Variants in PDZRN3 observed in about 807,000 individuals in gnomAD.
PDZRN3 encodes the protein PDZ domain containing ring finger 3, also known as E3 ubiquitin-protein ligase PDZRN3.
In PDZRN3, 38 loss-of-function variants were observed where a neutral mutation model predicts 85.7. That is an observed-to-expected ratio of 0.44 (90% CI 0.34 to 0.58). The LOEUF (loss-of-function observed/expected upper bound fraction) is 0.58. Among genes scored for constraint, PDZRN3 ranks in the 20% least tolerant of loss-of-function variants. PDZRN3 has a pLI of 0.01. For missense variants in PDZRN3, 1,629 were observed against 1,506.4 expected, an observed-to-expected ratio of 1.08 and a Z score of -1.35; for synonymous variants, 759 against 638.0, an observed-to-expected ratio of 1.19 and a Z score of -2.86.
intron 3 of PDZRN3, among the ~76,000 whole-genome samples, chr3:73,463,194 A>G (rs1452547168): frequency 6.6e-6 from 1 of 152,190 alleles, no homozygotes; most frequent in African/African-American, 2.4e-5. Context: ...TGTGACTTCA[A>G]CCAAGGCCCA....
chr3:73,538,558 A>G (rs944731440), intron 3 of PDZRN3, among the ~76,000 whole-genome samples: 1 of 152,210 alleles, frequency 6.6e-6, no homozygotes, highest in African/African-American at 2.4e-5. Flanking sequence ...GCATTTTAAT[A>G]ATGTATTTAT....
In PDZRN3 at chr3:73,384,878, T is replaced by C. The variant is rs746014503; in HGVS notation, c.1688A>G (p.Asn563Ser). The change falls in exon 10 of 10, where the codon AAC becomes AGC. Residue 563 changes from asparagine to serine, a missense_variant. By Grantham distance (46) the Asn-to-Ser change is conservative. Transcript: ENST00000263666. Reference protein sequence around the residue: ...GTTDTATILSNQHEKDSGVGR... With the variant: ...GTTDTATILSSQHEKDSGVGR... ...CACACCGCTGTCCTTCTCGTGCTGG[T>C]TGGACAAGATGGTGGCTGTATCTGT... The C allele has an allele frequency of 5.0e-6, 8 of 1,613,352 alleles. No individual in the cohort carries two copies. The highest frequency in any genetic ancestry group is 4.5e-5 in the East Asian group (2 of 44,872).
intron 5 of PDZRN3, among the ~76,000 whole-genome samples, chr3:73,400,047 T>C (rs1701718484): frequency 6.6e-6 from 1 of 152,204 alleles, no homozygotes; most frequent in South Asian, 2.1e-4. Context: ...TAGGACAGCA[T>C]AGATTACACA....
At chr3:73,595,158 C>T (rs1271534519) in intron 3 of PDZRN3, among the ~76,000 whole-genome samples, 3 of 152,172 alleles carry the variant, frequency 2.0e-5, no homozygotes, top group Admixed American at 6.5e-5. Flanking sequence ...CCTTTGGAAA[C>T]GGAGAGTTGG....
At chr3:73,531,250 CAA>C (rs60520136) in intron 3 of PDZRN3, among the ~76,000 whole-genome samples, 12 of 63,936 alleles carry the variant, frequency 1.9e-4, no homozygotes, top group South Asian at 1.3e-3. Flanking sequence ...GACTTCGTCT[CAA>C]AAAAAAAAAA....
chr3:73,579,092 G>A (rs891175265), intron 3 of PDZRN3, among the ~76,000 whole-genome samples: 3 of 152,098 alleles, frequency 2.0e-5, no homozygotes, highest in Non-Finnish European at 2.9e-5. Flanking sequence ...ACTAAGAGGT[G>A]GGGTCTTGGG....
rs779935870 is a variant in PDZRN3 at position 73,391,097 on chromosome 3, A to G, written c.1274T>C (p.Met425Thr). 2 of 1,613,348 alleles carry G rather than the reference A, an allele frequency of 1.2e-6. No individual in the cohort carries two copies. Among genetic ancestry groups the G allele is most frequent in the Non-Finnish European group, 1.7e-6 (2 of 1,179,306 alleles). ...GAGGCCCAGCTTGTCCTGGCTGTTC[A>G]TTCTGTAGAGGTCCACTTCCTAGAC... ...LELEEVDLYRMNSQDKLGLTV... is the reference protein window; with the variant it reads ...LELEEVDLYRTNSQDKLGLTV... Residue 425 changes from methionine (M) to threonine (T), a missense_variant, in exon 6 of 10, where the codon ATG becomes ACG. Physicochemically the swap from Met to Thr is moderately conservative, Grantham distance 81. Transcript: ENST00000263666.
Position 73,439,430 on chromosome 3 carries a change from G to A in PDZRN3, c.919-35035C>T, listed in dbSNP as rs151298048. 5.3e-5 allele frequency among the ~76,000 whole-genome samples: 8 copies of A among 152,308 alleles called. No individual in the cohort carries two copies. In the East Asian group the frequency reaches 1.5e-3, roughly 29 times the overall value. The stretch of plus-strand genomic sequence containing the variant: ...AAGCCCTGTATACTATGCATGGCTA[G>A]AGAGCCCAAATCACAATCTGTTGAA... On this transcript the variant is annotated intron_variant, in intron 3 of 9. Coordinates refer to ENST00000263666, the MANE Select transcript of PDZRN3 (RefSeq NM_015009.3).
chr3:73,581,033 G>C (rs1702194225), intron 3 of PDZRN3, among the ~76,000 whole-genome samples: 1 of 152,192 alleles, frequency 6.6e-6, no homozygotes. Context: ...TTTTTGGGGA[G>C]GAGGGATACA....
At chr3:73,583,978 T>C (rs556866954) in intron 3 of PDZRN3, among the ~76,000 whole-genome samples, 1 of 152,286 alleles carries the variant, frequency 6.6e-6, no homozygotes, top group East Asian at 1.9e-4. Context: ...AAGGTCTAAA[T>C]GATGTCAAGT....
chr3:73,620,548 T>C lies in PDZRN3; in HGVS notation c.723+3555A>G, dbSNP rs571254057. 3.3e-5 allele frequency among the ~76,000 whole-genome samples: 5 copies of C among 151,844 alleles called. No homozygotes were observed. The South Asian group carries it at 8.3e-4, about 25-fold the overall frequency. On this transcript the variant is annotated intron_variant, in intron 1 of 9. Coordinates refer to ENST00000263666, the MANE Select transcript of PDZRN3 (RefSeq NM_015009.3). The stretch of plus-strand genomic sequence containing the variant: ...TGCCTGTCTAGGCTATGATTACCTG[T>C]CATTTAACTGCTAGGCAGTCTGGGT...
In PDZRN3 at chr3:73,624,290, G is replaced by C. The variant is rs780542589; in HGVS notation, c.536C>G (p.Ala179Gly). The C allele has an allele frequency of 7.3e-7, 1 of 1,370,580 alleles. No individual in the cohort carries two copies. 84.9% of individuals were successfully genotyped at this position (1,370,580 alleles called of 1,614,324 possible). ...HNGALQARLG[A>G]LHKALKKEAL... is the part of the protein sequence containing the mutation. ...CTCCTTCTTGAGCGCCTTGTGCAGC[G>C]CGCCCAGGCGGGCCTGGAGCGCGCC... Residue 179 changes from alanine to glycine, a missense_variant, in exon 1 of 10, where the codon GCG becomes GGG. Coordinates refer to ENST00000263666, the MANE Select transcript of PDZRN3 (RefSeq NM_015009.3).
chr3:73,541,369 A>G (rs1704918025), intron 3 of PDZRN3, among the ~76,000 whole-genome samples: 1 of 152,232 alleles, frequency 6.6e-6, no homozygotes, highest in African/African-American at 2.4e-5. Context: ...AGTACTCTTT[A>G]GGTCAGACAG....
chr3:73,549,371 T>C (rs1701499857), intron 3 of PDZRN3, among the ~76,000 whole-genome samples: 1 of 152,162 alleles, frequency 6.6e-6, no homozygotes, highest in African/African-American at 2.4e-5. Context: ...AGAAGTTGCA[T>C]GGCAGGAAGA....
At chr3:73,584,212 G>A (rs1304748885) in intron 3 of PDZRN3, among the ~76,000 whole-genome samples, 1 of 152,084 alleles carries the variant, frequency 6.6e-6, no homozygotes, top group Non-Finnish European at 1.5e-5. Context: ...AGCAGAATCT[G>A]GCATCCTTGT....
At chr3:73,432,539 C>G (rs1702453063) in intron 3 of PDZRN3, among the ~76,000 whole-genome samples, 1 of 152,082 alleles carries the variant, frequency 6.6e-6, no homozygotes, top group African/African-American at 2.4e-5. Context: ...TTTTGTTCAC[C>G]CAGGGTCATT....
At chr3:73,503,790 C>A (rs1704023498) in intron 3 of PDZRN3, among the ~76,000 whole-genome samples, 3 of 152,162 alleles carry the variant, frequency 2.0e-5, no homozygotes, top group Non-Finnish European at 4.4e-5. Context: ...AAAGGTATCA[C>A]AAACTGAAAT....
intron 2 of PDZRN3, among the ~76,000 whole-genome samples, chr3:73,604,648 T>C (rs1474241157): frequency 2.6e-5 from 4 of 152,168 alleles, no homozygotes; most frequent in Admixed American, 1.3e-4. Flanking sequence ...ATGAACAAGC[T>C]TGAGTTCCCT....
At chr3:73,604,040 G>A (rs1374810546) in intron 2 of PDZRN3, among the ~76,000 whole-genome samples, 3 of 152,104 alleles carry the variant, frequency 2.0e-5, no homozygotes, top group South Asian at 2.1e-4. Flanking sequence ...TTCCATCAAC[G>A]CTCTTCCAAG....
Sources: allele counts gnomAD v4.1 joint callset (sites outside exome capture counted in the v4.1 genomes callset), GRCh38; gene constraint gnomAD v4.1.1; transcripts MANE v1.5; gene names NCBI Gene and HGNC (gene_info 2026-07-23, HGNC 2026-07-21).